Variants in NYAP2 observed in about 807,000 individuals in gnomAD.
The protein encoded by NYAP2 is neuronal tyrosine-phosphorylated phosphoinositide-3-kinase adapter 2.
In NYAP2, 23 loss-of-function variants were observed where a neutral mutation model predicts 50.4. The ratio of observed to expected loss-of-function variants is 0.46; its 90% CI spans 0.33 to 0.65. The LOEUF (loss-of-function observed/expected upper bound fraction) is 0.65. NYAP2 is among the 30% of genes least tolerant of loss of function. NYAP2 has a pLI of 0.02. For missense variants in NYAP2, 885 were observed against 861.0 expected (o/e 1.03, Z -0.35); for synonymous variants, 394 against 365.2 (o/e 1.08, Z -0.90).
intron 6 of NYAP2, among the ~76,000 whole-genome samples, chr2:225,647,028 C>A (rs1693646825): frequency 6.6e-6 from 1 of 152,024 alleles, no homozygotes; most frequent in Non-Finnish European, 1.5e-5. Flanking sequence ...TCTTTAGGTA[C>A]CTTAGGTGAT....
chr2:225,454,665 G>T (rs1418692325), intron 3 of NYAP2, among the ~76,000 whole-genome samples: 1 of 152,132 alleles, frequency 6.6e-6, no homozygotes, highest in East Asian at 1.9e-4. Flanking sequence ...TCTCATAGGA[G>T]CATGAACCCT....
chr2:225,622,561 T>C (rs71353876), intron 5 of NYAP2, among the ~76,000 whole-genome samples: 4,369 of 50,758 alleles, frequency 0.086, 90 homozygotes, highest in East Asian at 0.12. Context: ...TTCTTTCTTT[T>C]TCTTTCTTTC....
At chr2:225,528,989 C>T (rs1296015032) in intron 4 of NYAP2, among the ~76,000 whole-genome samples, 1 of 152,194 alleles carries the variant, frequency 6.6e-6, no homozygotes, top group African/African-American at 2.4e-5. Context: ...CTCATTGCAA[C>T]TTTCCCCGAA....
chr2:225,696,028 C>T, the NYAP2 span, among the ~76,000 whole-genome samples: 2 of 151,884 alleles, frequency 1.3e-5, no homozygotes, highest in African/African-American at 4.8e-5. Flanking sequence ...TTTTTATTCA[C>T]TCATAAAGCC....
chr2:225,418,121 A>G (rs1177854703), intron 3 of NYAP2, among the ~76,000 whole-genome samples: 1 of 152,164 alleles, frequency 6.6e-6, no homozygotes, highest in Non-Finnish European at 1.5e-5. Flanking sequence ...ACCTGAAGTA[A>G]TAAGTGAGGA....
intron 4 of NYAP2, 27 bp downstream of exon 4, chr2:225,513,699 T>G (rs371077985): frequency 6.8e-7 from 1 of 1,481,374 alleles, no homozygotes; most frequent in Non-Finnish European, 9.0e-7. Context: ...CCATGTCACC[T>G]AGAAATCTCT....
the NYAP2 span, among the ~76,000 whole-genome samples, chr2:225,675,751 A>G: frequency 2.6e-5 from 4 of 152,256 alleles, no homozygotes; most frequent in Admixed American, 2.0e-4. Context: ...ACTAGTTTTT[A>G]TTCCCACCAA....
the NYAP2 span, among the ~76,000 whole-genome samples, chr2:225,683,870 G>A: frequency 1.2e-4 from 19 of 152,086 alleles, no homozygotes; most frequent in African/African-American, 3.6e-4. Flanking sequence ...CATAAGGGAC[G>A]TTCATTTTTT....
At chr2:225,583,025 G>T in exon 5 of NYAP2, 1 of 1,610,344 alleles carries the variant, frequency 6.2e-7, no homozygotes, top group African/African-American at 1.3e-5. Flanking sequence ...GCTCCAAAGA[G>T]CCTGCAGAGA....
At chr2:225,703,370 T>C in the NYAP2 span, 2 of 151,710 alleles carry the variant, frequency 1.3e-5, no homozygotes, top group Non-Finnish European at 2.9e-5. Context: ...TGCCTGAAAA[T>C]TTGTGCAAAT....
chr2:225,555,834 G>T (rs1464841606), intron 4 of NYAP2, among the ~76,000 whole-genome samples: 1 of 152,128 alleles, frequency 6.6e-6, no homozygotes, highest in Admixed American at 6.5e-5. Context: ...GAAGAAATTG[G>T]TTGGGGATGC....
chr2:225,690,243 G>C, the NYAP2 span, among the ~76,000 whole-genome samples: 1 of 152,006 alleles, frequency 6.6e-6, no homozygotes, highest in Non-Finnish European at 1.5e-5. Flanking sequence ...TTTTATAACA[G>C]ATACATGGGT....
intron 6 of NYAP2, among the ~76,000 whole-genome samples, chr2:225,649,461 C>T (rs1177470363): frequency 6.6e-6 from 1 of 152,158 alleles, no homozygotes; most frequent in African/African-American, 2.4e-5. Context: ...ACAGTGGATA[C>T]TCTGATAAAT....
chr2:225,487,850 A>G (rs1690331443), intron 3 of NYAP2, among the ~76,000 whole-genome samples: 1 of 152,184 alleles, frequency 6.6e-6, no homozygotes. Context: ...ACAGATTATC[A>G]ATTTTATAGG....
chr2:225,429,250 C>A (rs1363430748), intron 3 of NYAP2, among the ~76,000 whole-genome samples: 1 of 152,134 alleles, frequency 6.6e-6, no homozygotes, highest in African/African-American at 2.4e-5. Flanking sequence ...TCAAATCTGG[C>A]AGACCACAAA....
At chr2:225,580,525 C>T (rs889828391) in intron 4 of NYAP2, among the ~76,000 whole-genome samples, 1 of 152,114 alleles carries the variant, frequency 6.6e-6, no homozygotes, top group East Asian at 1.9e-4. Flanking sequence ...TATGAACCTT[C>T]CCCTCAAAAA....
At chr2:225,504,782 G>C (rs998970243) in intron 3 of NYAP2, among the ~76,000 whole-genome samples, 5 of 152,048 alleles carry the variant, frequency 3.3e-5, no homozygotes, top group Admixed American at 2.6e-4. Flanking sequence ...AGCTGAGGCA[G>C]GGGGATCATG....
At chr2:225,518,527 T>C (rs1574654956) in intron 4 of NYAP2, among the ~76,000 whole-genome samples, 1 of 15,972 alleles carries the variant, frequency 6.3e-5, no homozygotes, top group African/African-American at 5.4e-4. Flanking sequence ...AGCTAATATA[T>C]ATATATATAT....
chr2:225,557,483 T>A (rs1423556542), intron 4 of NYAP2, among the ~76,000 whole-genome samples: 1 of 152,188 alleles, frequency 6.6e-6, no homozygotes, highest in Non-Finnish European at 1.5e-5. Context: ...GAATGGAGCT[T>A]ATGTTTTAGT....
Sources: allele counts gnomAD v4.1 joint callset (sites outside exome capture counted in the v4.1 genomes callset), GRCh38; gene constraint gnomAD v4.1.1; transcripts MANE v1.5; gene names NCBI Gene and HGNC (gene_info 2026-07-23, HGNC 2026-07-21).